Variants in IPO11 observed in about 807,000 individuals in gnomAD.
IPO11 encodes the protein importin-11.
In IPO11, 66 loss-of-function variants were observed where a neutral mutation model predicts 143.2. That is an observed-to-expected ratio of 0.46 (90% CI 0.38 to 0.57). The LOEUF (loss-of-function observed/expected upper bound fraction) is 0.57, where lower values mean the gene tolerates loss of function less well. Among genes scored for constraint, IPO11 ranks in the 20% least tolerant of loss-of-function variants. The pLI, the probability that IPO11 is intolerant of heterozygous loss-of-function variation, is 0.00. For missense variants in IPO11, 1,026 were observed against 1,141.0 expected, an observed-to-expected ratio of 0.90 and a Z score of 1.45; for synonymous variants, 385 against 377.8, an observed-to-expected ratio of 1.02 and a Z score of -0.22.
At chr5:62,430,898 G>A (rs1371871905) in intron 1 of IPO11, among the ~76,000 whole-genome samples, 2 of 151,580 alleles carry the variant, frequency 1.3e-5, no homozygotes, top group African/African-American at 4.8e-5. Context: ...GGCTGTTCTT[G>A]AACTCCTGAC....
chr5:62,511,749 C>T (rs975415847), intron 19 of IPO11, among the ~76,000 whole-genome samples: 19 of 151,842 alleles, frequency 1.3e-4, no homozygotes, highest in Middle Eastern at 3.4e-3. Context: ...CAAGGATATT[C>T]TTTTATTTTT....
At chr5:62,456,060 G>A (rs937299831) in intron 5 of IPO11, among the ~76,000 whole-genome samples, 2 of 151,212 alleles carry the variant, frequency 1.3e-5, no homozygotes, top group Admixed American at 6.6e-5. Context: ...AAGGGGTCTC[G>A]CTTTGTTGCC....
rs1491076899 is a variant in IPO11, at chr5:62,452,685, GTA to G, written c.516+754_516+755del. Among the ~76,000 whole-genome samples the G allele has an allele frequency of 1.6e-3, 232 of 147,678 alleles. 3 individuals carry two copies. The East Asian group carries it at 0.018, about 11-fold the overall frequency. ...TTCGTGTGTGTGTGTGTGTGTGTGT[GTA>G]TGTTTTGAGACAGGGTTTTGTTCTG... On this transcript the variant is annotated intron_variant, in intron 5 of 29. Coordinates refer to ENST00000325324, the MANE Select transcript of IPO11 (RefSeq NM_016338.5).
chr5:62,586,066 A>AGAGT lies in IPO11; in HGVS notation c.2583-5509_2583-5506dup, dbSNP rs1744759668. ...ATCTCTTAATTTTGAGATGATTGTG[A>AGAGT]GAGTGCCAAGAGTGAATGAGAAAGA... On this transcript the variant is annotated intron_variant, in intron 27 of 29. Coordinates refer to ENST00000325324, the MANE Select transcript of IPO11 (RefSeq NM_016338.5). Among the ~76,000 whole-genome samples, 3 of 152,236 alleles carry AGAGT rather than the reference A, an allele frequency of 2.0e-5. No homozygotes were observed. The South Asian group carries it at 6.2e-4, about 32-fold the overall frequency.
Position 62,555,268 on chromosome 5 carries a change from A to T in IPO11, c.2460+3932A>T, listed in dbSNP as rs80252171. ...GTGTCTTTTTTTTTGTATTTTTTGT[A>T]TTTTTTTTTTACTTTTTTATGTTTT... On this transcript the variant is annotated intron_variant, in intron 26 of 29. Coordinates refer to ENST00000325324, the MANE Select transcript of IPO11 (RefSeq NM_016338.5). Among the ~76,000 whole-genome samples the T allele has an allele frequency of 6.9e-5, 10 of 144,192 alleles. No individual in the cohort carries two copies. The South Asian group carries it at 2.0e-3, about 28-fold the overall frequency. The allele number at this position is 144,192 out of a possible 152,430, so 94.6% of individuals were successfully genotyped here.
At chr5:62,503,372 C>T (rs77271461) in intron 16 of IPO11, among the ~76,000 whole-genome samples, 33,351 of 64,470 alleles carry the variant, frequency 0.52, 12,654 homozygotes, top group South Asian at 0.61. Flanking sequence ...ATAGTATCTA[C>T]TAATATATTA....
Position 62,484,113 on chromosome 5 carries a change from A to T in IPO11, c.1125A>T (p.Leu375=). ...ICRRLVSHYF[L]LTEEELTMWE... ...GAAGATTAGTCTCTCATTATTTCCT[A>T]TTAACTGAAGAAGAACTGACAATGT... The change falls in exon 11 of 30, where the codon CTA becomes CTT. Residue 375 remains leucine, a synonymous_variant. Coordinates refer to ENST00000325324, the MANE Select transcript of IPO11 (RefSeq NM_016338.5). 2 of 1,609,836 alleles carry T rather than the reference A, an allele frequency of 1.2e-6. No individual in the cohort carries two copies. Among genetic ancestry groups the T allele is most frequent in the Non-Finnish European group, 1.7e-6 (2 of 1,178,700 alleles).
chr5:62,442,265 A>C (rs1421989916), intron 2 of IPO11, among the ~76,000 whole-genome samples: 2 of 152,182 alleles, frequency 1.3e-5, no homozygotes, highest in Non-Finnish European at 2.9e-5. Flanking sequence ...TCTATGCTGT[A>C]GTGGGCCTAC....
intron 1 of IPO11, among the ~76,000 whole-genome samples, chr5:62,436,441 T>A (rs1183569483): frequency 6.6e-6 from 1 of 152,230 alleles, no homozygotes; most frequent in Non-Finnish European, 1.5e-5. Flanking sequence ...ACTTATTTTC[T>A]GTCAATATTT....
chr5:62,512,012 G>A (rs1317041376), intron 19 of IPO11, among the ~76,000 whole-genome samples: 2 of 152,118 alleles, frequency 1.3e-5, no homozygotes, highest in Non-Finnish European at 2.9e-5. Flanking sequence ...GGCTTCTGGG[G>A]TCACACTCAG....
intron 27 of IPO11, among the ~76,000 whole-genome samples, chr5:62,575,245 A>G (rs1206569483): frequency 6.6e-6 from 1 of 152,228 alleles, no homozygotes; most frequent in African/African-American, 2.4e-5. Flanking sequence ...AAGAACACTC[A>G]TATGACCTTT....
At chr5:62,478,724 G>A (rs1431809315) in intron 9 of IPO11, among the ~76,000 whole-genome samples, 1 of 152,078 alleles carries the variant, frequency 6.6e-6, no homozygotes, top group Non-Finnish European at 1.5e-5. Flanking sequence ...GATTGCTTGT[G>A]TCGCCACATG....
At chr5:62,584,004 G>T (rs1405644585) in intron 27 of IPO11, among the ~76,000 whole-genome samples, 1 of 151,994 alleles carries the variant, frequency 6.6e-6, no homozygotes, top group Non-Finnish European at 1.5e-5. Context: ...TTTCCATTGA[G>T]TATTACAAAT....
intron 1 of IPO11, chr5:62,418,972 G>A: frequency 6.5e-7 from 1 of 1,536,806 alleles, no homozygotes. Context: ...TGGGTCGTTA[G>A]GCAATTTTGT....
In IPO11 at chr5:62,515,401, T is replaced by C; in HGVS notation, c.1796T>C (p.Val599Ala). Reference sequence around the variant, plus strand: ...ATATTGTAATAGATACGACCATATGTGGGATGTTTGGTACAATATTTGCCC... The same window carrying C: ...ATATTGTAATAGATACGACCATATGCGGGATGTTTGGTACAATATTTGCCC... ...ERVNMQIRPYVGCLVQYLPLL... is the reference protein window; with the variant it reads ...ERVNMQIRPYAGCLVQYLPLL... The change falls in exon 20 of 30, where the codon GTG becomes GCG. Residue 599 changes from valine (V) to alanine (A), a missense_variant. Val to Ala is a moderately conservative substitution (Grantham distance 64, BLOSUM62 0). Around this residue, in one of 5 missense-constraint regions of IPO11, gnomAD observed 237 missense variants for 288.0 expected, o/e 0.82. Transcript: ENST00000325324. 6.2e-7 allele frequency: 1 copy of C among 1,606,364 alleles called. No individual in the cohort carries two copies. Among genetic ancestry groups the C allele is most frequent in the East Asian group, 2.2e-5 (1 of 44,626 alleles).
chr5:62,483,459 C>A, intron 10 of IPO11, 166 bp downstream of exon 10: 1 of 509,618 alleles, frequency 2.0e-6, no homozygotes, highest in South Asian at 3.4e-5. Context: ...TTTATACTAG[C>A]TTTTAAAAAC....
chr5:62,450,577 T>A (rs1744875801), intron 4 of IPO11, among the ~76,000 whole-genome samples: 1 of 152,076 alleles, frequency 6.6e-6, no homozygotes, highest in East Asian at 1.9e-4. Context: ...TCTCTGTTGT[T>A]AAGTGATACA....
chr5:62,462,813 C>CT (rs900103455), intron 5 of IPO11, among the ~76,000 whole-genome samples: 17 of 146,236 alleles, frequency 1.2e-4, no homozygotes, highest in Non-Finnish European at 2.1e-4. Context: ...TTGGCTGACT[C>CT]TTTTTTTTTT....
At chr5:62,440,472 C>T (rs1266920522) in intron 2 of IPO11, among the ~76,000 whole-genome samples, 2 of 151,040 alleles carry the variant, frequency 1.3e-5, no homozygotes, top group Non-Finnish European at 3.0e-5. Context: ...CTCCTGCCTC[C>T]GCCTCCTGAG....
Sources: allele counts gnomAD v4.1 joint callset (sites outside exome capture counted in the v4.1 genomes callset), GRCh38; gene constraint gnomAD v4.1.1; regional missense constraint gnomAD v4.1.1; transcripts MANE v1.5; gene names NCBI Gene and HGNC (gene_info 2026-07-23, HGNC 2026-07-21).